CAPS2: variants seen among roughly 807,000 people sequenced by gnomAD.
The protein encoded by CAPS2 is calcyphosin-2.
In CAPS2, 98 loss-of-function variants were observed where a neutral mutation model predicts 86.5. The ratio of observed to expected loss-of-function variants is 1.13; its 90% CI spans 0.96 to 1.34. CAPS2 has a LOEUF of 1.34. Among genes scored for constraint, CAPS2 ranks in the 40% most tolerant of loss-of-function variants. The probability of loss-of-function intolerance (pLI) is 0.00; values close to 1 mark genes in which losing one functional copy is unlikely to be tolerated. For synonymous variants in CAPS2, 210 were observed against 225.1 expected (o/e 0.93, Z 0.60); for missense variants, 729 against 686.8 (o/e 1.06, Z -0.69).
chr12:75,305,318 T>A (rs949083371), intron 7 of CAPS2: 1 of 276,412 alleles, frequency 3.6e-6, no homozygotes, highest in African/African-American at 2.2e-5. Context: ...AAAGGCATCC[T>A]AGAAGAGGAG....
intron 1 of CAPS2, among the ~76,000 whole-genome samples, chr12:75,377,560 G>A (rs946198298): frequency 4.6e-5 from 7 of 152,084 alleles, no homozygotes; most frequent in Non-Finnish European, 8.8e-5. Flanking sequence ...CTGAAGAGGC[G>A]GGAGTCTGAT....
chr12:75,279,497 T>C (rs1215121457), intron 16 of CAPS2, among the ~76,000 whole-genome samples: 1 of 151,966 alleles, frequency 6.6e-6, no homozygotes, highest in Non-Finnish European at 1.5e-5. Context: ...AATAACAGGC[T>C]TAGATGGGAA....
intron 1 of CAPS2, among the ~76,000 whole-genome samples, chr12:75,354,534 A>G (rs2043024489): frequency 6.6e-6 from 1 of 152,264 alleles, no homozygotes; most frequent in African/African-American, 2.4e-5. Flanking sequence ...AAGAATCAAT[A>G]TCGTGAAAAT....
chr12:75,278,329 T>A (rs2033266481), exon 17 of CAPS2: 16 of 984,018 alleles, frequency 1.6e-5, no homozygotes, highest in Non-Finnish European at 1.8e-5. Context: ...AAATATTCTA[T>A]ATACAGAAAA....
intron 1 of CAPS2, among the ~76,000 whole-genome samples, chr12:75,348,827 G>T (rs1007855668): frequency 6.6e-6 from 1 of 152,082 alleles, no homozygotes; most frequent in Non-Finnish European, 1.5e-5. Flanking sequence ...ATGAAGCAAT[G>T]GTTTTAAAGA....
intron 14 of CAPS2, among the ~76,000 whole-genome samples, chr12:75,287,905 T>G (rs531502466): frequency 6.6e-6 from 1 of 152,238 alleles, no homozygotes; most frequent in South Asian, 2.1e-4. Context: ...GGGGTTGTCT[T>G]GTAGAACTGA....
intron 1 of CAPS2, chr12:75,370,266 C>A: frequency 1.4e-6 from 1 of 711,366 alleles, no homozygotes; most frequent in Non-Finnish European, 2.4e-6. Context: ...TGCTTCTTTA[C>A]TGAATCTTCT....
chr12:75,278,427 C>A (rs1366826151), exon 17 of CAPS2: 1 of 984,884 alleles, frequency 1.0e-6, no homozygotes, highest in Non-Finnish European at 1.2e-6. Flanking sequence ...ATCTCACTGG[C>A]TTTGGGCCCA....
chr12:75,323,152 A>G, intron 3 of CAPS2, 25 bp downstream of exon 4: 1 of 1,507,912 alleles, frequency 6.6e-7, no homozygotes, highest in Non-Finnish European at 9.0e-7. Context: ...AATGTTTATT[A>G]TATTAAATAC....
chr12:75,278,612 A>G (rs1278621678), exon 17 of CAPS2: 2 of 1,092,638 alleles, frequency 1.8e-6, no homozygotes, highest in African/African-American at 1.6e-5. Flanking sequence ...TATACGCAAG[A>G]TAAGTAATAA....
intron 1 of CAPS2, chr12:75,363,265 G>C (rs991518175): frequency 1.5e-6 from 1 of 654,424 alleles, no homozygotes; most frequent in Admixed American, 4.2e-5. Context: ...TTAAAATTTG[G>C]CTTCTCAAGT....
rs757432799 is a variant in CAPS2 at position 75,343,693 on chromosome 12, A to G, written c.-394-20471T>C. 6 of 1,591,774 alleles carry G rather than the reference A, an allele frequency of 3.8e-6. No homozygotes were observed. The South Asian group carries it at 6.8e-5, about 18-fold the overall frequency. On this transcript the variant is annotated intron_variant, in intron 1 of 5. Coordinates refer to the CAPS2 transcript ENST00000551829. Reference sequence around the variant, plus strand: ...AATTTAAATTATTTTTATCTTTCAGATTTGGGATAAAGGTTTAGCAAAGAT... The same window carrying G: ...AATTTAAATTATTTTTATCTTTCAGGTTTGGGATAAAGGTTTAGCAAAGAT...
At chr12:75,324,760 T>A (rs2040610041) in intron 2 of CAPS2, among the ~76,000 whole-genome samples, 1 of 152,076 alleles carries the variant, frequency 6.6e-6, no homozygotes, top group African/African-American at 2.4e-5. Context: ...TTATTCCAAA[T>A]TTTAAAAGTC....
At chr12:75,324,022 G>T (rs1233124467) in intron 2 of CAPS2, among the ~76,000 whole-genome samples, 1 of 152,136 alleles carries the variant, frequency 6.6e-6, no homozygotes, top group East Asian at 1.9e-4. Context: ...TTTAACAAGT[G>T]GTGGAGAAAA....
intron 1 of CAPS2, among the ~76,000 whole-genome samples, chr12:75,344,869 A>G (rs771758775): frequency 6.6e-6 from 1 of 152,112 alleles, no homozygotes; most frequent in Non-Finnish European, 1.5e-5. Flanking sequence ...ATCTCTCACT[A>G]CAGAGGCAAG....
chr12:75,312,887 T>G, exon 7 of CAPS2: 1 of 1,607,852 alleles, frequency 6.2e-7, no homozygotes, highest in Non-Finnish European at 8.5e-7. Context: ...TGCAACAATC[T>G]GTTTCTTCTT....
chr12:75,327,698 A>G (rs998357350), upstream of CAPS2, among the ~76,000 whole-genome samples: 9 of 151,542 alleles, frequency 5.9e-5, no homozygotes, highest in Admixed American at 2.6e-4. Flanking sequence ...TCTATGAACC[A>G]ATGTTTCTAT....
upstream of CAPS2, chr12:75,334,431 G>T: frequency 8.6e-7 from 1 of 1,164,114 alleles, no homozygotes; most frequent in Non-Finnish European, 1.1e-6. Flanking sequence ...CAATCCAGAC[G>T]CGCTCTGCAG....
At chr12:75,371,081 G>A (rs1291623719) in intron 1 of CAPS2, 2 of 152,260 alleles carry the variant, frequency 1.3e-5, no homozygotes, top group African/African-American at 2.4e-5. Flanking sequence ...TGACTCACAT[G>A]ATCTATAGGT....
Sources: gnomAD v4.1 joint callset for allele counts (sites outside exome capture counted in the v4.1 genomes callset) on GRCh38, gnomAD v4.1.1 for gene constraint, MANE v1.5 for transcripts, NCBI Gene and HGNC (gene_info 2026-07-23, HGNC 2026-07-21) for gene names.